Variants in INPP5F observed in about 807,000 individuals in gnomAD.
INPP5F encodes the protein inositol polyphosphate-5-phosphatase F.
A neutral mutation model predicts 137.2 loss-of-function variants in INPP5F; 97 were observed. That is an observed-to-expected ratio of 0.71 (90% CI 0.60 to 0.84). INPP5F has a LOEUF of 0.84. Among genes scored for constraint, INPP5F ranks in the 40% least tolerant of loss-of-function variants. INPP5F has a pLI of 0.00. For missense variants in INPP5F, 1,271 were observed against 1,371.9 expected (o/e 0.93, Z 1.16); for synonymous variants, 504 against 476.9 (o/e 1.06, Z -0.74).
intron 2 of INPP5F, among the ~76,000 whole-genome samples, chr10:119,755,965 G>A (rs893466366): frequency 6.6e-6 from 1 of 152,080 alleles, no homozygotes; most frequent in Non-Finnish European, 1.5e-5. Context: ...AGGCCAGCCT[G>A]ACCAACATGG....
intron 1 of INPP5F, among the ~76,000 whole-genome samples, chr10:119,727,994 A>G (rs1847940862): frequency 6.6e-6 from 1 of 152,240 alleles, no homozygotes; most frequent in East Asian, 1.9e-4. Context: ...AACTCATCTG[A>G]CAACAAACTT....
Position 119,827,629 on chromosome 10 carries a change from G to T in INPP5F, c.3248G>T (p.Ser1083Ile), listed in dbSNP as rs1851824190. 1 of 1,614,044 alleles carries T rather than the reference G, an allele frequency of 6.2e-7. No individual in the cohort carries two copies. The highest frequency in any genetic ancestry group is 1.1e-5 in the South Asian group (1 of 91,088). ...CGAAGTTCCATGGTCCAGGTTGCTAGTATTACCCAAGCTGGATTAACCCAT... is the reference window on the plus strand; with the variant it reads ...CGAAGTTCCATGGTCCAGGTTGCTATTATTACCCAAGCTGGATTAACCCAT... Reference protein sequence around the residue: ...KIRSSMVQVASITQAGLTHGI... With the variant: ...KIRSSMVQVAIITQAGLTHGI... The change falls in exon 20 of 20, where the codon AGT (serine) becomes ATT (isoleucine). Residue 1083 changes from serine (S) to isoleucine (I), a missense_variant. Coordinates refer to ENST00000650623, the MANE Select transcript of INPP5F (RefSeq NM_014937.4).
At chr10:119,792,075 G>A in intron 5 of INPP5F, 39 bp downstream of exon 5, 1 of 1,614,196 alleles carries the variant, frequency 6.2e-7, no homozygotes, top group Non-Finnish European at 8.5e-7. Context: ...TTGCACTTGG[G>A]AAGAAGTGAT....
chr10:119,767,107 G>GGAAAAA (rs1275741171), intron 2 of INPP5F, among the ~76,000 whole-genome samples: 8 of 40,542 alleles, frequency 2.0e-4, no homozygotes, highest in African/African-American at 6.8e-4. Flanking sequence ...TCTGTCTCCA[G>GGAAAAA]AAAAAAAAAA....
In INPP5F at chr10:119,828,292, A is replaced by T. The variant is rs1181316825; in HGVS notation, c.*512A>T. The T allele has an allele frequency of 6.5e-6, 1 of 153,288 alleles. No individual in the cohort carries two copies. The highest frequency in any genetic ancestry group is 1.5e-5 in the Non-Finnish European group (1 of 68,880). 9.5% of individuals were successfully genotyped at this position (153,288 alleles called of 1,614,324 possible). ...TTGATGGCTTAACTGTTCCCTGAGG[A>T]GTTGAGGGTTATTGACACTAGAGAA... On this transcript the variant is annotated 3_prime_UTR_variant, in exon 20 of 20. Transcript: ENST00000650623.
At chr10:119,795,971 G>A (rs1041652993) in intron 6 of INPP5F, among the ~76,000 whole-genome samples, 3 of 151,882 alleles carry the variant, frequency 2.0e-5, no homozygotes, top group Non-Finnish European at 2.9e-5. Context: ...GCAGGCACTC[G>A]GCAGGCTGAG....
chr10:119,823,280 C>A, intron 18 of INPP5F, 81 bp downstream of exon 18: 1 of 1,338,000 alleles, frequency 7.5e-7, no homozygotes, highest in African/African-American at 1.5e-5. Flanking sequence ...GGGGACATTT[C>A]ATATCATAAC....
intron 10 of INPP5F, among the ~76,000 whole-genome samples, chr10:119,805,060 G>A (rs1850721156): frequency 6.6e-6 from 1 of 152,116 alleles, no homozygotes; most frequent in Admixed American, 6.5e-5. Flanking sequence ...TTTAACGTGT[G>A]TATTCTGACA....
At position 119,726,261 on chromosome 10, in the gene INPP5F, G is replaced by C; in HGVS notation, c.-2G>C. ...CCGCCTCCCTGGGCGCGCGGGGCCA[G>C]CATGGAGCTCTTCCAAGCCAAGGAC... On this transcript the variant is annotated 5_prime_UTR_variant, in exon 1 of 20. Coordinates refer to ENST00000650623, the MANE Select transcript of INPP5F (RefSeq NM_014937.4). 6.8e-7 allele frequency: 1 copy of C among 1,472,980 alleles called. No individual in the cohort carries two copies. Among genetic ancestry groups the C allele is most frequent in the Non-Finnish European group, 9.0e-7 (1 of 1,110,994 alleles). 91.2% of individuals were successfully genotyped at this position (1,472,980 alleles called of 1,614,324 possible). A position where few individuals can be genotyped will look rare whatever the true frequency, so the allele number is the denominator to read the frequency against.
chr10:119,800,323 A>G lies in INPP5F; in HGVS notation c.1116+1713A>G, dbSNP rs189563491. 1.2e-4 allele frequency among the ~76,000 whole-genome samples: 18 copies of G among 151,778 alleles called. No homozygotes were observed. In the East Asian group the frequency reaches 2.7e-3, roughly 23 times the overall value. ...GTAATCCCAGCACTTTGGGAGGCCA[A>G]CGTGGGCGGATCACGAGGTCAGGAG... On this transcript the variant is annotated intron_variant, in intron 9 of 19. Transcript: ENST00000650623.
chr10:119,823,033 A>G, intron 17 of INPP5F, 38 bp from the exon 18 acceptor site: 2 of 1,558,426 alleles, frequency 1.3e-6, no homozygotes, highest in East Asian at 2.3e-5. Context: ...ATGTTATGTG[A>G]AACATTTAAC....
chr10:119,798,643 T>G, intron 9 of INPP5F, 33 bp downstream of exon 9: 1 of 1,434,558 alleles, frequency 7.0e-7, no homozygotes, highest in South Asian at 1.2e-5. Context: ...AAAATGTTCC[T>G]TCATCTTTAG....
intron 2 of INPP5F, among the ~76,000 whole-genome samples, chr10:119,775,079 C>T (rs779721694): frequency 6.6e-6 from 1 of 152,074 alleles, no homozygotes; most frequent in Non-Finnish European, 1.5e-5. Flanking sequence ...CTTAATTTCT[C>T]TCTTCTTTGG....
chr10:119,795,685 G>T (rs1036058208), intron 6 of INPP5F, among the ~76,000 whole-genome samples: 2 of 152,176 alleles, frequency 1.3e-5, no homozygotes, highest in African/African-American at 4.8e-5. Flanking sequence ...TGGCGGCCGG[G>T]CAGAGGCTGC....
At chr10:119,800,172 CAAGAG>C (rs1564839647) in intron 9 of INPP5F, among the ~76,000 whole-genome samples, 1 of 151,782 alleles carries the variant, frequency 6.6e-6, no homozygotes. Context: ...TGTTAAGACA[CAAGAG>C]AATGGAAAGG....
intron 2 of INPP5F, 126 bp downstream of exon 2, chr10:119,751,282 A>G: frequency 2.9e-6 from 2 of 688,188 alleles, no homozygotes; most frequent in Non-Finnish European, 5.3e-6. Flanking sequence ...GGGTCTGCTC[A>G]AAGTGGGTGT....
chr10:119,801,498 T>C (rs1411434293), intron 9 of INPP5F, among the ~76,000 whole-genome samples: 1 of 152,240 alleles, frequency 6.6e-6, no homozygotes, highest in Non-Finnish European at 1.5e-5. Flanking sequence ...CATTTGAATT[T>C]GTTTCAGTGT....
intron 9 of INPP5F, among the ~76,000 whole-genome samples, chr10:119,799,039 CAG>C (rs1335709955): frequency 6.6e-6 from 1 of 152,144 alleles, no homozygotes; most frequent in African/African-American, 2.4e-5. Flanking sequence ...AGTCATGTCT[CAG>C]TACCACCTAC....
Position 119,827,357 on chromosome 10 carries a change from C to CA in INPP5F, c.2978dup (p.Asn993LysfsTer6), listed in dbSNP as rs1207020052. On this transcript the variant is annotated frameshift_variant, in exon 20 of 20. Transcript: ENST00000650623. LOFTEE classifies it high-confidence loss of function. ...CTAGTCAGGAAAGAAATCAAATGAC[C>CA]AATCAAGTTTCAAATGAAACCCAAT... 6.2e-7 allele frequency: 1 copy of CA among 1,614,058 alleles called. No homozygotes were observed. Among genetic ancestry groups the CA allele is most frequent in the East Asian group, 2.2e-5 (1 of 44,880 alleles).
Sources: gnomAD v4.1 joint callset for allele counts (sites outside exome capture counted in the v4.1 genomes callset) on GRCh38, gnomAD v4.1.1 for gene constraint, MANE v1.5 for transcripts, NCBI Gene and HGNC (gene_info 2026-07-23, HGNC 2026-07-21) for gene names.